Variants in SLC35H1 observed in about 807,000 individuals in gnomAD.
The protein encoded by SLC35H1 is ovarian cancer-overexpressed gene 1 protein.
chr20:46,360,279 T>C, the SLC35H1 span, among the ~76,000 whole-genome samples: 1 of 152,126 alleles, frequency 6.6e-6, no homozygotes, highest in African/African-American at 2.4e-5. Flanking sequence ...ATGGTCAAAA[T>C]TGGTCTCAAA....
the SLC35H1 span, among the ~76,000 whole-genome samples, chr20:46,359,548 AC>A: frequency 2.0e-5 from 3 of 152,178 alleles, no homozygotes; most frequent in East Asian, 5.8e-4. Context: ...CAACACTCTA[AC>A]GGCTGGAACA....
At chr20:46,352,282 C>T in the SLC35H1 span, 7 of 1,500,352 alleles carry the variant, frequency 4.7e-6, no homozygotes, top group Non-Finnish European at 6.4e-6. Flanking sequence ...CCTTGGCCAG[C>T]CCAATGCCAA....
the SLC35H1 span, chr20:46,357,772 C>A: frequency 6.2e-7 from 1 of 1,614,056 alleles, no homozygotes; most frequent in South Asian, 1.1e-5. Flanking sequence ...GAAATGGAAG[C>A]TCTGTATGGA....
the SLC35H1 span, chr20:46,356,017 G>A: frequency 7.9e-7 from 1 of 1,258,834 alleles, no homozygotes. Context: ...CCTTTAATCA[G>A]AAGGAATCTC....
the SLC35H1 span, chr20:46,348,847 T>A: frequency 6.6e-6 from 1 of 152,246 alleles, no homozygotes; most frequent in South Asian, 2.1e-4. Flanking sequence ...GTCTGTGTCA[T>A]CTATGGCTGC....
the SLC35H1 span, chr20:46,357,909 C>G: frequency 1.1e-6 from 1 of 880,008 alleles, no homozygotes; most frequent in Non-Finnish European, 1.7e-6. Flanking sequence ...GTGTGTAGGG[C>G]CCTTAGTTAC....
At chr20:46,350,449 C>CGCTGGCT in the SLC35H1 span, 1 of 1,613,626 alleles carries the variant, frequency 6.2e-7, no homozygotes, top group Non-Finnish European at 8.5e-7. Context: ...ACCTTCCTCC[C>CGCTGGCT]GCTGGCTGCT....
At chr20:46,356,618 G>A in the SLC35H1 span, 137 of 1,614,000 alleles carry the variant, frequency 8.5e-5, no homozygotes, top group East Asian at 2.0e-4. Context: ...ACAAGCCCAC[G>A]TCAAGCGCCG....
the SLC35H1 span, chr20:46,358,257 G>A: frequency 1.5e-5 from 13 of 879,654 alleles, no homozygotes; most frequent in Non-Finnish European, 2.4e-5. Flanking sequence ...CCCTGTTCCA[G>A]CCCAGCCGTG....
the SLC35H1 span, chr20:46,351,984 C>G: frequency 6.5e-7 from 1 of 1,530,192 alleles, no homozygotes; most frequent in Non-Finnish European, 8.9e-7. Flanking sequence ...GGGACTGAAG[C>G]TGCTGGTGAG....
the SLC35H1 span, among the ~76,000 whole-genome samples, chr20:46,353,638 G>A: frequency 1.3e-5 from 2 of 152,274 alleles, no homozygotes; most frequent in East Asian, 1.9e-4. Flanking sequence ...AAGGGAATTC[G>A]GGGAAGAGCA....
the SLC35H1 span, chr20:46,350,828 C>T: frequency 1.2e-6 from 2 of 1,614,070 alleles, no homozygotes; most frequent in Non-Finnish European, 8.5e-7. Flanking sequence ...CGAAGCCCAG[C>T]CAGTTCAGGA....
chr20:46,348,406 A>C, the SLC35H1 span: 4 of 152,150 alleles, frequency 2.6e-5, no homozygotes, highest in Non-Finnish European at 5.9e-5. Context: ...CCTGCCGCCC[A>C]AGCAGCCTGC....
chr20:46,348,437 C>T, the SLC35H1 span: 9 of 152,362 alleles, frequency 5.9e-5, no homozygotes, highest in Admixed American at 5.2e-4. Context: ...GCCTCTAAGA[C>T]GGAGGAGGCC....
chr20:46,358,465 C>T, the SLC35H1 span: 35 of 1,614,218 alleles, frequency 2.2e-5, no homozygotes, highest in South Asian at 1.3e-4. Context: ...GGGTCAACAC[C>T]GCCTTCCACA....
At chr20:46,356,758 G>T in the SLC35H1 span, 2 of 850,504 alleles carry the variant, frequency 2.4e-6, no homozygotes, top group Non-Finnish European at 3.7e-6. Flanking sequence ...CTCCTGTGGG[G>T]CCCTTGGGCC....
chr20:46,357,714 G>A, the SLC35H1 span: 90 of 1,614,028 alleles, frequency 5.6e-5, no homozygotes, highest in South Asian at 5.0e-4. Context: ...TGGACAGGGC[G>A]GAGAAGAGGA....
At chr20:46,352,385 T>C in the SLC35H1 span, 1 of 670,638 alleles carries the variant, frequency 1.5e-6, no homozygotes, top group Non-Finnish European at 2.5e-6. Context: ...TATAAAGTGA[T>C]CCCACACAGA....
the SLC35H1 span, chr20:46,353,176 TCA>T: frequency 6.6e-6 from 1 of 152,234 alleles, no homozygotes; most frequent in African/African-American, 2.4e-5. Flanking sequence ...TTTCTGGACC[TCA>T]GTTTCCTTAC....
Sources: allele counts gnomAD v4.1 joint callset (sites outside exome capture counted in the v4.1 genomes callset), GRCh38; gene constraint gnomAD v4.1.1; transcripts MANE v1.5; gene names NCBI Gene and HGNC (gene_info 2026-07-23, HGNC 2026-07-21).